Variants in DICER1 observed in about 807,000 individuals in gnomAD.
DICER1 encodes dicer 1, ribonuclease III, also known as endoribonuclease Dicer.
DICER1 carries 43 observed loss-of-function variants against 194.1 expected under a neutral mutation model. That is an observed-to-expected ratio of 0.22 (90% CI 0.17 to 0.29). The LOEUF is 0.29. Ranked by LOEUF, DICER1 falls within the 10% of genes least tolerant of loss-of-function variation. DICER1 has a pLI of 1.00. For missense variants in DICER1, 1,608 were observed against 2,317.0 expected (o/e 0.69, Z 6.28); for synonymous variants, 832 against 820.5 (o/e 1.01, Z -0.24).
chr14:95,093,575 G>A (rs902478726), intron 24 of DICER1, among the ~76,000 whole-genome samples: 2 of 152,206 alleles, frequency 1.3e-5, no homozygotes, highest in South Asian at 2.1e-4. Context: ...CTTGGGGTCC[G>A]GCAGTGGAGG....
At position 95,087,247 on chromosome 14, in the gene DICER1, T is replaced by C. The variant is rs1889407804; in HGVS notation, c.*3251A>G. 4.3e-6 allele frequency: 1 copy of C among 233,148 alleles called. No homozygotes were observed. Among genetic ancestry groups the C allele is most frequent in the South Asian group, 1.8e-4 (1 of 5,526 alleles). The allele number at this position is 233,148 out of a possible 1,614,324, so 14.4% of individuals were successfully genotyped here. On this transcript the variant is annotated 3_prime_UTR_variant, in exon 27 of 27. Transcript: ENST00000343455. ...GAATCTTTCTGAGGGCAAAGTATTA[T>C]TAACAAATAAAAATATCAGTATTTT...
At chr14:95,136,372 T>C (rs1210785321) in intron 1 of DICER1, among the ~76,000 whole-genome samples, 1 of 151,994 alleles carries the variant, frequency 6.6e-6, no homozygotes, top group African/African-American at 2.4e-5. Context: ...AAGGATCCAG[T>C]TTCTTTTTTT....
intron 11 of DICER1, among the ~76,000 whole-genome samples, chr14:95,114,760 G>A (rs551788254): frequency 1.2e-4 from 19 of 152,284 alleles, no homozygotes; most frequent in Middle Eastern, 3.4e-3. Context: ...CATGGTGTGC[G>A]ACTTGGTAAG....
At chr14:95,142,168 G>C (rs1894865418) in intron 1 of DICER1, among the ~76,000 whole-genome samples, 1 of 151,296 alleles carries the variant, frequency 6.6e-6, no homozygotes, top group African/African-American at 2.4e-5. Context: ...ATGTTTCCCA[G>C]GCTGGTCTCG....
rs183610216 is a variant in DICER1, at chr14:95,149,026, T to C, written c.-46+8204A>G. On this transcript the variant is annotated intron_variant, in intron 1 of 26. Transcript: ENST00000343455. ...ACAGCCTTGAACTCCTGGGCTCAAG[T>C]GATCCTGCCATCTCAGCCTCCTGAG... is the stretch of plus-strand genomic sequence containing the variant. Among the ~76,000 whole-genome samples the C allele has an allele frequency of 3.3e-5, 5 of 152,212 alleles. No individual in the cohort carries two copies. In the East Asian group the frequency reaches 9.7e-4, roughly 29 times the overall value.
intron 9 of DICER1, 80 bp downstream of exon 9, chr14:95,117,542 A>T: frequency 6.9e-7 from 1 of 1,449,616 alleles, no homozygotes. Flanking sequence ...GGAAACTATG[A>T]AAAAAGGGAG....
intron 21 of DICER1, 113 bp downstream of exon 21, chr14:95,103,233 G>T: frequency 8.2e-7 from 1 of 1,213,816 alleles, no homozygotes; most frequent in Non-Finnish European, 1.2e-6. Context: ...CTTGGCCGGT[G>T]TAGCAATTTC....
chr14:95,157,967 C>T (rs569932574), upstream of DICER1: 2 of 152,374 alleles, frequency 1.3e-5, no homozygotes, highest in African/African-American at 2.4e-5. Context: ...GTTAGTGGTG[C>T]AGGGGCCTCC....
Position 95,088,313 on chromosome 14 carries a change from T to C in DICER1, c.*2185A>G. The C allele has an allele frequency of 4.3e-6, 1 of 232,090 alleles. No individual in the cohort carries two copies. Among genetic ancestry groups the C allele is most frequent in the African/African-American group, 2.2e-5 (1 of 45,364 alleles). The allele number at this position is 232,090 out of a possible 1,614,324, so 14.4% of individuals were successfully genotyped here. A position where few individuals can be genotyped will look rare whatever the true frequency, so the allele number is the denominator to read the frequency against. On this transcript the variant is annotated 3_prime_UTR_variant, in exon 27 of 27. Coordinates refer to ENST00000343455, the MANE Select transcript of DICER1 (RefSeq NM_177438.3). ...TTTTTCTCCCACTGGGAATCATAACTGTGAAAACAATCTGATTTTGGTGCC... is the reference window on the plus strand; with the variant it reads ...TTTTTCTCCCACTGGGAATCATAACCGTGAAAACAATCTGATTTTGGTGCC...
At chr14:95,099,149 C>T (rs1162055160) in intron 22 of DICER1, among the ~76,000 whole-genome samples, 3 of 152,180 alleles carry the variant, frequency 2.0e-5, no homozygotes, top group East Asian at 1.9e-4. Flanking sequence ...ACCACCACTG[C>T]GCTGGTTCCT....
At chr14:95,115,054 T>C (rs1892314398) in intron 11 of DICER1, among the ~76,000 whole-genome samples, 2 of 152,164 alleles carry the variant, frequency 1.3e-5, no homozygotes, top group Non-Finnish European at 2.9e-5. Context: ...TGAAACTGAA[T>C]GAGTCTCTCT....
Position 95,095,096 on chromosome 14 carries a change from C to T in DICER1, c.5095+729G>A, listed in dbSNP as rs570580823. Among the ~76,000 whole-genome samples the T allele has an allele frequency of 2.0e-5, 3 of 152,328 alleles. No individual in the cohort carries two copies. The South Asian group carries it at 6.2e-4, about 32-fold the overall frequency. ...ATTTTGCTGATCACCTTAACCTACGCTGCTTTTATTATATAAACTACAAAC... is the reference window on the plus strand; with the variant it reads ...ATTTTGCTGATCACCTTAACCTACGTTGCTTTTATTATATAAACTACAAAC... On this transcript the variant is annotated intron_variant, in intron 23 of 26. Transcript: ENST00000343455.
At chr14:95,107,540 G>A (rs1242426232) in intron 17 of DICER1, 68 bp downstream of exon 17, 123 of 1,544,272 alleles carry the variant, frequency 8.0e-5, no homozygotes, top group Non-Finnish European at 9.7e-5. Flanking sequence ...GTGAGCCACC[G>A]TGCCCGACCT....
intron 1 of DICER1, among the ~76,000 whole-genome samples, chr14:95,148,708 C>G (rs1895305370): frequency 6.6e-6 from 1 of 152,210 alleles, no homozygotes; most frequent in South Asian, 2.1e-4. Flanking sequence ...AGAAGTGTCT[C>G]CAGGCTGCAA....
At chr14:95,094,223 T>G (rs1485597546) in intron 23 of DICER1, 67 bp from the exon 24 acceptor site, 1 of 1,567,196 alleles carries the variant, frequency 6.4e-7, no homozygotes, top group Non-Finnish European at 8.8e-7. Context: ...ACATAGCAAC[T>G]GATCCCCAAA....
chr14:95,122,694 G>C (rs971661556), intron 8 of DICER1, among the ~76,000 whole-genome samples: 2 of 152,074 alleles, frequency 1.3e-5, no homozygotes, highest in Admixed American at 6.5e-5. Context: ...AAAATAAGTG[G>C]GTTGGATTAG....
chr14:95,148,943 T>C (rs1474404070), intron 1 of DICER1, among the ~76,000 whole-genome samples: 1 of 148,418 alleles, frequency 6.7e-6, no homozygotes, highest in Non-Finnish European at 1.5e-5. Context: ...TTTTTTTTAT[T>C]TTTTATTTGG....
chr14:95,117,578 T>C (rs774077683), intron 9 of DICER1, 44 bp downstream of exon 9: 3 of 1,609,262 alleles, frequency 1.9e-6, no homozygotes, highest in Admixed American at 1.7e-5. Flanking sequence ...TGTCTGTATA[T>C]GTCCCGAAAA....
chr14:95,095,699 G>A (rs995403903), intron 23 of DICER1, 126 bp downstream of exon 23: 41 of 1,017,936 alleles, frequency 4.0e-5, no homozygotes, highest in Admixed American at 1.8e-4. Flanking sequence ...TTTGTTCCCC[G>A]CCCCATCCCT....
Sources: allele counts gnomAD v4.1 joint callset (sites outside exome capture counted in the v4.1 genomes callset), GRCh38; gene constraint gnomAD v4.1.1; transcripts MANE v1.5; gene names NCBI Gene and HGNC (gene_info 2026-07-23, HGNC 2026-07-21).